Variants in EVC observed in about 807,000 individuals in gnomAD.
EVC encodes EvC ciliary complex subunit 1.
In EVC, 116 loss-of-function variants were observed where a neutral mutation model predicts 118.9. That is an observed-to-expected ratio of 0.98 (90% CI 0.84 to 1.14). The LOEUF (loss-of-function observed/expected upper bound fraction) is 1.14. EVC is among the 50% of genes most tolerant of loss of function. The pLI is 0.00. For missense variants in EVC, 1,401 were observed against 1,246.4 expected (o/e 1.12, Z -1.87); for synonymous variants, 619 against 534.7 (o/e 1.16, Z -2.18).
chr4:5,748,915 C>G (rs1242249608), intron 8 of EVC, among the ~76,000 whole-genome samples: 1 of 93,060 alleles, frequency 1.1e-5, no homozygotes, highest in Non-Finnish European at 2.9e-5. Context: ...TTAAAAAGTA[C>G]TGATTCTTGG....
At chr4:5,781,166 C>T (rs146619416) in intron 11 of EVC, among the ~76,000 whole-genome samples, 5 of 152,194 alleles carry the variant, frequency 3.3e-5, no homozygotes, top group Admixed American at 1.3e-4. Flanking sequence ...AAGGAGACCT[C>T]GAATTGATTT....
chr4:5,794,765 T>A (rs1404721828), intron 13 of EVC, among the ~76,000 whole-genome samples: 1 of 152,138 alleles, frequency 6.6e-6, no homozygotes, highest in Non-Finnish European at 1.5e-5. Context: ...AACTTTTATT[T>A]TAGATTCAGA....
Position 5,790,234 on chromosome 4 carries a change from G to T in EVC, c.1777-3374G>T, listed in dbSNP as rs985912393. ...GTGCAGAATTTTCTAGAATATTCTG[G>T]TTTCCCTAGCACTCCAATAGATTAT... On this transcript the variant is annotated intron_variant, in intron 12 of 20. Coordinates refer to ENST00000264956, the MANE Select transcript of EVC (RefSeq NM_153717.3). 4.0e-5 allele frequency among the ~76,000 whole-genome samples: 6 copies of T among 150,912 alleles called. No individual in the cohort carries two copies. The South Asian group carries it at 1.3e-3, about 32-fold the overall frequency.
intron 10 of EVC, 65 bp downstream of exon 10, chr4:5,753,998 A>C: frequency 6.3e-7 from 1 of 1,593,544 alleles, no homozygotes; most frequent in Non-Finnish European, 8.6e-7. Context: ...CCCGTGACTG[A>C]GCACGGGACG....
At chr4:5,788,065 C>A (rs746732202) in intron 12 of EVC, among the ~76,000 whole-genome samples, 6 of 152,156 alleles carry the variant, frequency 3.9e-5, no homozygotes, top group African/African-American at 7.2e-5. Context: ...CACTGGAGAG[C>A]CCTGGGGTGC....
At chr4:5,769,842 C>T (rs1432842510) in intron 11 of EVC, among the ~76,000 whole-genome samples, 1 of 152,150 alleles carries the variant, frequency 6.6e-6, no homozygotes, top group Non-Finnish European at 1.5e-5. Context: ...AGAACACAGG[C>T]ATGATAACAG....
At chr4:5,753,109 G>A (rs1241159534) in intron 9 of EVC, 57 bp downstream of exon 9, 19 of 1,486,806 alleles carry the variant, frequency 1.3e-5, no homozygotes. Context: ...GGTCCCTGGG[G>A]CTGTGCAGTG....
intron 12 of EVC, among the ~76,000 whole-genome samples, chr4:5,790,038 G>A (rs982509217): frequency 1.3e-5 from 2 of 151,828 alleles, no homozygotes; most frequent in Non-Finnish European, 2.9e-5. Context: ...AAAATGAGTC[G>A]GGCATGGTGA....
At chr4:5,784,427 T>G (rs1736108260) in intron 12 of EVC, among the ~76,000 whole-genome samples, 1 of 152,044 alleles carries the variant, frequency 6.6e-6, no homozygotes, top group Non-Finnish European at 1.5e-5. Context: ...AAGGAGCACA[T>G]TCTCCCCTAT....
intron 11 of EVC, among the ~76,000 whole-genome samples, chr4:5,764,135 C>T (rs1172294376): frequency 8.3e-5 from 12 of 144,094 alleles, no homozygotes; most frequent in East Asian, 8.3e-4. Flanking sequence ...TTGTCAAAGG[C>T]CTTTTCTGCA....
At chr4:5,828,602 C>T in the EVC span, 2 of 1,614,182 alleles carry the variant, frequency 1.2e-6, no homozygotes, top group Non-Finnish European at 1.7e-6. Context: ...ACGATCTTGC[C>T]CTGGCTGATG....
At chr4:5,745,131 A>C (rs1729159131) in intron 6 of EVC, 73 bp from the exon 7 acceptor site, 4 of 1,441,124 alleles carry the variant, frequency 2.8e-6, no homozygotes, top group Non-Finnish European at 3.8e-6. Context: ...AAAAGCATTT[A>C]TTTTTCTAGA....
rs987968265 is a variant in EVC at position 5,719,220 on chromosome 4, C to T, written c.175-28C>T. The T allele has an allele frequency of 2.5e-6, 4 of 1,613,930 alleles. No individual in the cohort carries two copies. Among genetic ancestry groups the T allele is most frequent in the Middle Eastern group, 1.6e-4 (1 of 6,062 alleles). On this transcript the variant is annotated intron_variant, in intron 1 of 20. Coordinates refer to ENST00000264956, the MANE Select transcript of EVC (RefSeq NM_153717.3). The surrounding 1 kb of genome is among the most constrained non-coding windows in gnomAD (Gnocchi z 4.7). ...GACCTCAATGTTGTGTTTCTATCCACCCCCAACTCCTGACCTTCGGGTTTT... is the reference window on the plus strand; with the variant it reads ...GACCTCAATGTTGTGTTTCTATCCATCCCCAACTCCTGACCTTCGGGTTTT...
chr4:5,807,345 T>G (rs1198444693), intron 17 of EVC, among the ~76,000 whole-genome samples: 3 of 152,020 alleles, frequency 2.0e-5, no homozygotes, highest in Admixed American at 1.3e-4. Flanking sequence ...AGAGGAAAGG[T>G]GTTACTGGCG....
At chr4:5,772,378 C>G (rs1353183177) in intron 11 of EVC, among the ~76,000 whole-genome samples, 1 of 151,920 alleles carries the variant, frequency 6.6e-6, no homozygotes, top group African/African-American at 2.4e-5. Context: ...GCAAACAGAC[C>G]AGGTTATGGG....
chr4:5,823,923 T>G, the EVC span, among the ~76,000 whole-genome samples: 5 of 152,172 alleles, frequency 3.3e-5, no homozygotes, highest in East Asian at 3.9e-4. Flanking sequence ...TCTGTGAGGT[T>G]GTTATGATGT....
At chr4:5,733,498 T>C in intron 5 of EVC, 63 bp downstream of exon 5, 13 of 1,349,408 alleles carry the variant, frequency 9.6e-6, no homozygotes, top group South Asian at 5.8e-5. Context: ...ACAAGGACTC[T>C]GTGTGCAGTG....
chr4:5,722,790 G>T (rs6845059), intron 2 of EVC, among the ~76,000 whole-genome samples: 13,837 of 152,222 alleles, frequency 0.091, 2,089 homozygotes, highest in African/African-American at 0.31. Flanking sequence ...CTGAATAATT[G>T]CATTGCTCCA....
chr4:5,798,998 G>A lies in EVC; in HGVS notation c.2304+206G>A, dbSNP rs746375276. Reference sequence around the variant, plus strand: ...GGAGGGGCAGTCGCAGCAGATCACCGGTTCTCCCCCTGCTGTTAGGCCCTG... The same window carrying A: ...GGAGGGGCAGTCGCAGCAGATCACCAGTTCTCCCCCTGCTGTTAGGCCCTG... On this transcript the variant is annotated intron_variant, in intron 15 of 20. Transcript: ENST00000264956. This position sits in a 1 kb window ranked among gnomAD's most constrained non-coding sequence, Gnocchi z 4.1. Among the ~76,000 whole-genome samples the A allele has an allele frequency of 1.3e-5, 2 of 152,232 alleles. No individual in the cohort carries two copies. The highest frequency in any genetic ancestry group is 2.1e-4 in the South Asian group (1 of 4,818).
Sources: allele counts gnomAD v4.1 joint callset (sites outside exome capture counted in the v4.1 genomes callset), GRCh38; gene constraint gnomAD v4.1.1; non-coding constraint Gnocchi (gnomAD v3.1); transcripts MANE v1.5; gene names NCBI Gene and HGNC (gene_info 2026-07-23, HGNC 2026-07-21).